Variants in PACS2 observed in about 807,000 individuals in gnomAD.
The protein encoded by PACS2 is phosphofurin acidic cluster sorting protein 2.
In PACS2, 36 loss-of-function variants were observed where a neutral mutation model predicts 113.0. That is an observed-to-expected ratio of 0.32 (90% CI 0.24 to 0.42). The LOEUF is 0.42. Ranked by LOEUF, PACS2 falls within the 10% of genes least tolerant of loss-of-function variation. PACS2 has a pLI of 1.00. For missense variants in PACS2, 1,015 were observed against 1,239.5 expected (o/e 0.82, Z 2.72); for synonymous variants, 589 against 536.1 (o/e 1.10, Z -1.36).
At chr14:105,326,413 G>A (rs1369350098) in intron 1 of PACS2, among the ~76,000 whole-genome samples, 1 of 152,244 alleles carries the variant, frequency 6.6e-6, no homozygotes, top group Non-Finnish European at 1.5e-5. Flanking sequence ...GTGAGTGGCA[G>A]GAGGCCGATG....
chr14:105,390,089 A>G, intron 20 of PACS2, 86 bp downstream of exon 20: 1 of 1,192,394 alleles, frequency 8.4e-7, no homozygotes, highest in Non-Finnish European at 1.3e-6. Flanking sequence ...GATTGACTCG[A>G]TATATTCCAG....
rs778797482 is a variant in PACS2, at chr14:105,330,280, T to C, written c.119+15243T>C. Reference sequence around the variant, plus strand: ...CCTGGGGTCCGTGTGTGGGACGGAATGGGGACAGGAGCCTCCGAGAAGCCT... The same window carrying C: ...CCTGGGGTCCGTGTGTGGGACGGAACGGGGACAGGAGCCTCCGAGAAGCCT... On this transcript the variant is annotated intron_variant, in intron 1 of 24. Coordinates refer to ENST00000447393, the MANE Select transcript of PACS2 (RefSeq NM_001100913.3). The surrounding 1 kb of genome is among the most constrained non-coding windows in gnomAD (Gnocchi z 6.9). Among the ~76,000 whole-genome samples the C allele has an allele frequency of 1.4e-3, 51 of 35,330 alleles. No homozygotes were observed. The highest frequency in any genetic ancestry group is 2.4e-3 in the Non-Finnish European group (44 of 18,700). The allele number at this position is 35,330 out of a possible 152,430, so 23.2% of individuals were successfully genotyped here.
chr14:105,385,235 A>G (rs1198086146), intron 18 of PACS2, among the ~76,000 whole-genome samples: 3 of 152,208 alleles, frequency 2.0e-5, no homozygotes, highest in Admixed American at 2.0e-4. Flanking sequence ...CCCGCGTGAT[A>G]AGAAGTTGAC....
chr14:105,383,927 C>A (rs1015918388), intron 16 of PACS2: 1 of 267,262 alleles, frequency 3.7e-6, no homozygotes, highest in Non-Finnish European at 7.2e-6. Flanking sequence ...CCTGTGTCGT[C>A]GAACTCCATT....
chr14:105,308,078 G>A (rs1340218789), intron 1 of PACS2, among the ~76,000 whole-genome samples: 1 of 152,162 alleles, frequency 6.6e-6, no homozygotes, highest in Non-Finnish European at 1.5e-5. Flanking sequence ...AGCTACTTGG[G>A]AGGCTGAGGC....
chr14:105,390,296 G>A (rs1049415838), intron 20 of PACS2: 27 of 468,766 alleles, frequency 5.8e-5, no homozygotes, highest in African/African-American at 2.8e-4. Context: ...TTGGCCCCAC[G>A]TCTCAGGAGA....
intron 13 of PACS2, 54 bp from the exon 14 acceptor site, chr14:105,382,423 G>A (rs2081026723): frequency 7.5e-6 from 8 of 1,059,686 alleles, no homozygotes; most frequent in Non-Finnish European, 1.2e-5. Flanking sequence ...CTGGCGTGGT[G>A]GGGATGGGCG....
In PACS2 at chr14:105,348,485, C is replaced by T; in HGVS notation, c.120-8C>T. The T allele has an allele frequency of 1.2e-6, 2 of 1,606,916 alleles. No individual in the cohort carries two copies. The highest frequency in any genetic ancestry group is 1.7e-6 in the Non-Finnish European group (2 of 1,175,450). On this transcript the variant is annotated splice_region_variant and splice_polypyrimidine_tract_variant and intron_variant, in intron 1 of 24. Coordinates refer to ENST00000447393, the MANE Select transcript of PACS2 (RefSeq NM_001100913.3). The surrounding 1 kb of genome is among the most constrained non-coding windows in gnomAD (Gnocchi z 6.4). ...AGCCCCGAGGCTGAGCTGTGCCTTG[C>T]CTCACAGGTTGTGCAGCCTGACTCT...
intron 4 of PACS2, among the ~76,000 whole-genome samples, chr14:105,361,488 T>G (rs1008686771): frequency 6.6e-6 from 1 of 151,638 alleles, no homozygotes; most frequent in Non-Finnish European, 1.5e-5. Context: ...AGTACAACAA[T>G]TAGCCAGGTG....
At chr14:105,344,961 TA>T (rs1555402299) in intron 1 of PACS2, among the ~76,000 whole-genome samples, 2 of 151,742 alleles carry the variant, frequency 1.3e-5, no homozygotes, top group African/African-American at 4.9e-5. Flanking sequence ...TATAAAAAAT[TA>T]GCTGGGCGTG....
upstream of PACS2, among the ~76,000 whole-genome samples, chr14:105,309,736 CTA>C (rs1491490834): frequency 1.4e-5 from 2 of 141,044 alleles, no homozygotes; most frequent in African/African-American, 5.3e-5. The surrounding 1 kb of genome is among the most constrained non-coding windows in gnomAD (Gnocchi z 4.0). Flanking sequence ...TGTATTAGGT[CTA>C]GATTAGCCTG....
Position 105,335,043 on chromosome 14 carries a change from CTG to C in PACS2, c.120-13449_120-13448del, listed in dbSNP as rs2059458970. ...GAATGGCCCCTGGGCCTTCGGGTGA[CTG>C]AGACAGAAGTACAGGCCCAGCAGGT... On this transcript the variant is annotated intron_variant, in intron 1 of 24. Coordinates refer to ENST00000447393, the MANE Select transcript of PACS2 (RefSeq NM_001100913.3). Among the ~76,000 whole-genome samples the C allele has an allele frequency of 2.0e-5, 3 of 152,234 alleles. No individual in the cohort carries two copies. In the South Asian group the frequency reaches 6.2e-4, roughly 31 times the overall value.
At chr14:105,385,765 T>C (rs1595168112) in intron 19 of PACS2, 48 bp downstream of exon 19, 2 of 1,261,466 alleles carry the variant, frequency 1.6e-6, no homozygotes, top group Admixed American at 5.1e-5. Context: ...CCCAGGCTGG[T>C]CTTCAGGGCT....
chr14:105,314,462 G>GT (rs1434343634), upstream of PACS2: 2 of 149,212 alleles, frequency 1.3e-5, no homozygotes, highest in African/African-American at 5.0e-5. Flanking sequence ...CTCCCGGGGG[G>GT]CGGGGCGGGG....
At chr14:105,369,213 G>A (rs587620301) in intron 7 of PACS2, among the ~76,000 whole-genome samples, 6 of 152,372 alleles carry the variant, frequency 3.9e-5, no homozygotes, top group African/African-American at 1.4e-4. Flanking sequence ...CGGGCAAGCT[G>A]CTCCCAAAGT....
Position 105,348,666 on chromosome 14 carries a change from G to C in PACS2, c.207+86G>C, listed in dbSNP as rs587602919. The C allele has an allele frequency of 4.0e-6, 4 of 987,786 alleles. No homozygotes were observed. The highest frequency in any genetic ancestry group is 6.4e-6 in the Non-Finnish European group (4 of 628,248). 61.2% of individuals were successfully genotyped at this position (987,786 alleles called of 1,614,324 possible). ...GAGACGAGTCAGGCGGTGCGCTACT[G>C]TGGGGCCTTGTGCCAAAACAGCGGG... On this transcript the variant is annotated intron_variant, in intron 2 of 24. Transcript: ENST00000447393. This position sits in a 1 kb window ranked among gnomAD's most constrained non-coding sequence, Gnocchi z 6.4.
In PACS2 at chr14:105,382,819, G is replaced by A. The variant is rs1555412408; in HGVS notation, c.1531G>A (p.Val511Ile). Residue 511 changes from valine (V) to isoleucine (I), a missense_variant, in exon 15 of 25, where the codon GTC becomes ATC. Val to Ile is a conservative substitution (Grantham distance 29). This residue lies in a region of PACS2 where 859 missense variants were observed against 1,056.8 expected (regional missense o/e 0.81). Coordinates refer to ENST00000447393, the MANE Select transcript of PACS2 (RefSeq NM_001100913.3). ...SDWQGQFLSD[V>I]LQRHTLPVVC... ...TGTCTTCTGCCAGTTCCTCTCCGAC[G>A]TCCTGCAGAGGCACACGCTCCCCGT... 4 of 1,598,300 alleles carry A rather than the reference G, an allele frequency of 2.5e-6. No individual in the cohort carries two copies. Among genetic ancestry groups the A allele is most frequent in the South Asian group, 1.1e-5 (1 of 90,792 alleles).
intron 21 of PACS2, 185 bp downstream of exon 21, chr14:105,391,434 C>T: frequency 1.5e-6 from 1 of 663,248 alleles, no homozygotes; most frequent in South Asian, 1.8e-5. Flanking sequence ...CAAAGCCCCA[C>T]ATCAAGGCTG....
In PACS2 at chr14:105,366,075, C is replaced by T. The variant is rs782773698; in HGVS notation, c.424-1138C>T. ...ATCAAAATAAATCTGGTCGGCTGGG[C>T]GTGGTGGCTCACGCCTGTAATCCCA... is the stretch of plus-strand genomic sequence containing the variant. On this transcript the variant is annotated intron_variant, in intron 4 of 24. Coordinates refer to ENST00000447393, the MANE Select transcript of PACS2 (RefSeq NM_001100913.3). The surrounding 1 kb of genome is among the most constrained non-coding windows in gnomAD (Gnocchi z 4.3). Among the ~76,000 whole-genome samples the T allele has an allele frequency of 2.5e-4, 38 of 152,210 alleles. No individual in the cohort carries two copies. Among genetic ancestry groups the T allele is most frequent in the Admixed American group, 4.6e-4 (7 of 15,282 alleles).
Sources: allele counts gnomAD v4.1 joint callset (sites outside exome capture counted in the v4.1 genomes callset), GRCh38; gene constraint gnomAD v4.1.1; regional missense constraint gnomAD v4.1.1; non-coding constraint Gnocchi (gnomAD v3.1); transcripts MANE v1.5; gene names NCBI Gene and HGNC (gene_info 2026-07-23, HGNC 2026-07-21).